Variants in EXD3 observed in about 807,000 individuals in gnomAD.
EXD3 encodes exonuclease mut-7 homolog.
Under a neutral mutation model 98.0 loss-of-function variants are expected in EXD3, and 92 were observed. The observed-to-expected ratio is 0.94, with a 90% CI of 0.79 to 1.12. EXD3 has a LOEUF of 1.12. Among genes scored for constraint, EXD3 ranks in the 50% most tolerant of loss-of-function variants. The probability of loss-of-function intolerance (pLI) is 0.00; values close to 1 mark genes in which losing one functional copy is unlikely to be tolerated. For missense variants in EXD3, 1,222 were observed against 1,191.6 expected, an observed-to-expected ratio of 1.03 and a Z score of -0.38; for synonymous variants, 569 against 526.0, an observed-to-expected ratio of 1.08 and a Z score of -1.12.
chr9:137,340,456 A>G (rs1195994716), intron 17 of EXD3, among the ~76,000 whole-genome samples: 1 of 152,076 alleles, frequency 6.6e-6, no homozygotes, highest in Non-Finnish European at 1.5e-5. Flanking sequence ...CAGCCTGGGC[A>G]ACACAGTGAG....
intron 6 of EXD3, among the ~76,000 whole-genome samples, chr9:137,367,198 A>G (rs1835304628): frequency 6.6e-6 from 1 of 152,122 alleles, no homozygotes; most frequent in Admixed American, 6.5e-5. Context: ...CGCCGACTGC[A>G]TGGGGCCCAC....
At chr9:137,354,800 G>GC (rs199707812) in intron 8 of EXD3, 27 bp from the exon 9 acceptor site, 6 of 1,598,242 alleles carry the variant, frequency 3.8e-6, no homozygotes, top group Admixed American at 1.7e-5. Flanking sequence ...GCTCAGCACT[G>GC]AGGGCTCAGG....
intron 1 of EXD3, among the ~76,000 whole-genome samples, chr9:137,416,779 C>T (rs190006787): frequency 2.0e-5 from 3 of 152,264 alleles, no homozygotes; most frequent in Non-Finnish European, 4.4e-5. Flanking sequence ...GGTAGGCCGT[C>T]CCGCAGCCTA....
chr9:137,308,968 C>G (rs1428829185), intron 20 of EXD3, among the ~76,000 whole-genome samples: 2 of 152,148 alleles, frequency 1.3e-5, no homozygotes, highest in Admixed American at 6.5e-5. Context: ...TTCTATCCAC[C>G]TCCATTCCCT....
At chr9:137,330,336 A>C (rs1035455776) in intron 17 of EXD3, among the ~76,000 whole-genome samples, 1 of 137,746 alleles carries the variant, frequency 7.3e-6, no homozygotes, top group Non-Finnish European at 1.5e-5. Flanking sequence ...ACGGGACTAC[A>C]CAGGACTACA....
In EXD3 at chr9:137,407,320, C is replaced by G. The variant is rs1275715884; in HGVS notation, c.-47-11916G>C. The stretch of plus-strand genomic sequence containing the variant: ...GCGGCCGCGGCGAACACGGGGCGGC[C>G]CCTCCACCTCTGTCCGCCTGCCCTA... On this transcript the variant is annotated intron_variant, in intron 1 of 21. Coordinates refer to ENST00000340951, the MANE Select transcript of EXD3 (RefSeq NM_017820.5). This position sits in a 1 kb window ranked among gnomAD's most constrained non-coding sequence, Gnocchi z 4.4. 5.9e-5 allele frequency among the ~76,000 whole-genome samples: 9 copies of G among 152,186 alleles called. No individual in the cohort carries two copies. Among genetic ancestry groups the G allele is most frequent in the Non-Finnish European group, 1.0e-4 (7 of 68,022 alleles).
chr9:137,319,024 A>C (rs1479983890), intron 19 of EXD3, among the ~76,000 whole-genome samples: 1 of 152,178 alleles, frequency 6.6e-6, no homozygotes, highest in Non-Finnish European at 1.5e-5. Flanking sequence ...GGAAGAAGAA[A>C]ATGGAAAGTC....
At chr9:137,413,344 G>C (rs1309821920) in intron 1 of EXD3, among the ~76,000 whole-genome samples, 2 of 152,030 alleles carry the variant, frequency 1.3e-5, no homozygotes, top group Admixed American at 1.3e-4. Context: ...GGGACTATAG[G>C]CGCCTGCCAC....
At chr9:137,333,250 C>T (rs1279961064) in intron 17 of EXD3, among the ~76,000 whole-genome samples, 1 of 152,198 alleles carries the variant, frequency 6.6e-6, no homozygotes, top group African/African-American at 2.4e-5. Context: ...CTGAAGGCTG[C>T]ACTGCCAGCT....
At chr9:137,341,068 C>A (rs560085766) in intron 17 of EXD3, among the ~76,000 whole-genome samples, 1 of 152,330 alleles carries the variant, frequency 6.6e-6, no homozygotes, top group East Asian at 1.9e-4. Flanking sequence ...GTAATCCCAG[C>A]ACTTTGGGAG....
At chr9:137,388,049 T>C (rs1438656956) in intron 2 of EXD3, among the ~76,000 whole-genome samples, 1 of 152,098 alleles carries the variant, frequency 6.6e-6, no homozygotes, top group Non-Finnish European at 1.5e-5. Context: ...GGGGCAGCTG[T>C]GTATTAGGAG....
chr9:137,308,200 C>T (rs773097063), intron 20 of EXD3, among the ~76,000 whole-genome samples: 4 of 152,134 alleles, frequency 2.6e-5, no homozygotes, highest in Non-Finnish European at 4.4e-5. Flanking sequence ...GCACGGTAGC[C>T]GAGGGAACAC....
chr9:137,324,042 T>C lies in EXD3; in HGVS notation c.2052+48A>G. On this transcript the variant is annotated intron_variant, in intron 18 of 21. Coordinates refer to ENST00000340951, the MANE Select transcript of EXD3 (RefSeq NM_017820.5). The surrounding 1 kb of genome is among the most constrained non-coding windows in gnomAD (Gnocchi z 4.1). ...GGGGGTGGCCGAGGGGCTGGGGGCT[T>C]GGGAAGATGGGGCTCAGGCCCACTG... is the stretch of plus-strand genomic sequence containing the variant. 2 of 1,558,060 alleles carry C rather than the reference T, an allele frequency of 1.3e-6. No homozygotes were observed. Among genetic ancestry groups the C allele is most frequent in the Non-Finnish European group, 8.7e-7 (1 of 1,150,154 alleles).
At chr9:137,352,228 C>T (rs748015405) in intron 11 of EXD3, 27 bp from the exon 12 acceptor site, 17 of 1,611,670 alleles carry the variant, frequency 1.1e-5, no homozygotes, top group Non-Finnish European at 1.4e-5. Flanking sequence ...TGGTAGCGCC[C>T]CCATGTCCCT....
rs1368813196 is a variant in EXD3, at chr9:137,366,474, A to T, written c.656+19T>A. 2.6e-6 allele frequency: 4 copies of T among 1,539,626 alleles called. No homozygotes were observed. The African/African-American group carries it at 5.5e-5, about 21-fold the overall frequency. On this transcript the variant is annotated intron_variant, in intron 7 of 21. Coordinates refer to ENST00000340951, the MANE Select transcript of EXD3 (RefSeq NM_017820.5). ...AGGATGCCATCTGGTGCCAGCTGCC[A>T]GCGCCCCACGGGACTCACCTGGCAA...
intron 8 of EXD3, 97 bp from the exon 9 acceptor site, chr9:137,354,870 G>T: frequency 8.2e-7 from 1 of 1,214,588 alleles, no homozygotes; most frequent in Non-Finnish European, 1.1e-6. Flanking sequence ...GGCTGCGCCT[G>T]CCCCTTCACC....
rs1588329508 is a variant in EXD3 at position 137,353,792 on chromosome 9, T to C, written c.870+547A>G. On this transcript the variant is annotated intron_variant, in intron 10 of 21. Transcript: ENST00000340951. ...AGGGGACCTGCCCAGCAGGCTGAGC[T>C]CCTGCACGACCTCCCACCCCACGGC... 4.1e-6 allele frequency: 4 copies of C among 985,736 alleles called. No individual in the cohort carries two copies. The East Asian group carries it at 4.5e-4, about 112-fold the overall frequency. 61.1% of individuals were successfully genotyped at this position (985,736 alleles called of 1,614,324 possible).
chr9:137,322,634 G>T (rs1228818242), intron 19 of EXD3, among the ~76,000 whole-genome samples: 3 of 103,222 alleles, frequency 2.9e-5, no homozygotes, highest in East Asian at 3.1e-4. Flanking sequence ...CACGAGGGAT[G>T]CTCTGCCGAC....
At position 137,405,514 on chromosome 9, in the gene EXD3, CCA is replaced by C. The variant is rs1837674643; in HGVS notation, c.-47-10112_-47-10111del. ...CCAGCCACTCACCCGTCCCCAGCAT[CCA>C]CAGTTTCTCAGGCTCTCAACAATAA... is the stretch of plus-strand genomic sequence containing the variant. On this transcript the variant is annotated intron_variant, in intron 1 of 21. Transcript: ENST00000340951. This position sits in a 1 kb window ranked among gnomAD's most constrained non-coding sequence, Gnocchi z 4.1. Among the ~76,000 whole-genome samples, 2 of 152,232 alleles carry C rather than the reference CCA, an allele frequency of 1.3e-5. No individual in the cohort carries two copies. The highest frequency in any genetic ancestry group is 4.1e-4 in the South Asian group (2 of 4,836).
Sources: allele counts gnomAD v4.1 joint callset (sites outside exome capture counted in the v4.1 genomes callset), GRCh38; gene constraint gnomAD v4.1.1; non-coding constraint Gnocchi (gnomAD v3.1); transcripts MANE v1.5; gene names NCBI Gene and HGNC (gene_info 2026-07-23, HGNC 2026-07-21).